Variants in NRCAM observed in about 807,000 individuals in gnomAD.
NRCAM encodes NgCAM-related cell adhesion molecule.
In NRCAM, 83 loss-of-function variants were observed where a neutral mutation model predicts 156.5. The ratio of observed to expected loss-of-function variants is 0.53; its 90% CI spans 0.44 to 0.64. NRCAM has a LOEUF of 0.64. Among genes scored for constraint, NRCAM ranks in the 30% least tolerant of loss-of-function variants. NRCAM has a pLI of 0.00. For missense variants in NRCAM, 1,417 were observed against 1,597.3 expected (o/e 0.89, Z 1.92); for synonymous variants, 538 against 563.9 (o/e 0.95, Z 0.65).
rs182735369 is a variant in NRCAM at position 108,182,560 on chromosome 7, C to T, written c.2530+135G>A. 1.8e-4 allele frequency: 122 copies of T among 694,782 alleles called. No individual in the cohort carries two copies. The East Asian group carries it at 3.2e-3, about 18-fold the overall frequency. The allele number at this position is 694,782 out of a possible 1,614,324, so 43.0% of individuals were successfully genotyped here. A position where few individuals can be genotyped will look rare whatever the true frequency, so the allele number is the denominator to read the frequency against. ...GAACTTCTCTTTCTTACACAGCAGG[C>T]TGTTTAAATTCAGAGAAGTCGTGCA... On this transcript the variant is annotated intron_variant, in intron 23 of 32. Coordinates refer to ENST00000379028, the MANE Select transcript of NRCAM (RefSeq NM_001037132.4).
At chr7:108,253,194 C>T (rs1395767740) in intron 3 of NRCAM, among the ~76,000 whole-genome samples, 1 of 152,200 alleles carries the variant, frequency 6.6e-6, no homozygotes, top group African/African-American at 2.4e-5. Context: ...ATGAATTCAA[C>T]ATAATTCACG....
At chr7:108,264,569 A>G (rs754351937) in intron 3 of NRCAM, among the ~76,000 whole-genome samples, 2 of 152,240 alleles carry the variant, frequency 1.3e-5, no homozygotes, top group African/African-American at 2.4e-5. Context: ...TTCATGCTTC[A>G]TACCAGTTGA....
At chr7:108,327,048 T>C (rs143698887) in intron 2 of NRCAM, among the ~76,000 whole-genome samples, 8 of 152,310 alleles carry the variant, frequency 5.3e-5, no homozygotes, top group African/African-American at 1.7e-4. Context: ...TTATTTTTAA[T>C]CTACCTAACA....
intron 1 of NRCAM, among the ~76,000 whole-genome samples, chr7:108,445,339 T>C (rs931238558): frequency 2.6e-5 from 4 of 152,176 alleles, no homozygotes; most frequent in African/African-American, 9.7e-5. Context: ...AGAGTAAGGT[T>C]ATAATTTGTG....
At chr7:108,196,574 T>C (rs1253372368) in intron 14 of NRCAM, among the ~76,000 whole-genome samples, 1 of 152,188 alleles carries the variant, frequency 6.6e-6, no homozygotes, top group Non-Finnish European at 1.5e-5. Flanking sequence ...AACAGGTATA[T>C]GGGAAAATGC....
chr7:108,301,507 G>T (rs531445986), intron 3 of NRCAM, among the ~76,000 whole-genome samples: 1 of 152,306 alleles, frequency 6.6e-6, no homozygotes, highest in East Asian at 1.9e-4. Flanking sequence ...GAAGAAAACA[G>T]GCAGGGTGCC....
At chr7:108,197,345 T>C (rs2075689444) in intron 14 of NRCAM, among the ~76,000 whole-genome samples, 1 of 152,176 alleles carries the variant, frequency 6.6e-6, no homozygotes, top group Admixed American at 6.5e-5. Flanking sequence ...GGAAGCATAC[T>C]AATTTTAAAG....
intron 1 of NRCAM, among the ~76,000 whole-genome samples, chr7:108,440,993 A>G (rs1259633293): frequency 6.6e-6 from 1 of 152,202 alleles, no homozygotes; most frequent in Non-Finnish European, 1.5e-5. Context: ...AAGCACTGCA[A>G]ATTCTCTAAG....
intron 2 of NRCAM, among the ~76,000 whole-genome samples, chr7:108,376,990 C>T (rs2099678547): frequency 6.6e-6 from 1 of 152,002 alleles, no homozygotes; most frequent in Non-Finnish European, 1.5e-5. Flanking sequence ...CAGGGCAAAA[C>T]CTCATCTCTA....
chr7:108,299,408 T>TAA (rs2098544613), intron 3 of NRCAM, among the ~76,000 whole-genome samples: 1 of 152,070 alleles, frequency 6.6e-6, no homozygotes, highest in Non-Finnish European at 1.5e-5. Flanking sequence ...TGGACAAAGG[T>TAA]CAGACCTGTG....
intron 1 of NRCAM, among the ~76,000 whole-genome samples, chr7:108,418,644 G>A (rs1597283754): frequency 6.6e-6 from 1 of 151,546 alleles, no homozygotes; most frequent in African/African-American, 2.4e-5. Context: ...ATTCACCCAT[G>A]TGTGAACAAT....
chr7:108,323,906 T>C (rs1268937038), intron 2 of NRCAM, among the ~76,000 whole-genome samples: 15 of 152,132 alleles, frequency 9.9e-5, no homozygotes, highest in Admixed American at 9.8e-4. Flanking sequence ...GCGAAAGGGC[T>C]TTGCAGGCAA....
intron 2 of NRCAM, among the ~76,000 whole-genome samples, chr7:108,373,613 G>A (rs79761244): frequency 0.044 from 6,627 of 152,234 alleles, 482 homozygotes; most frequent in African/African-American, 0.15. Context: ...GCACACTGGT[G>A]CCCTACCAGC....
chr7:108,387,229 T>A (rs917779657), intron 2 of NRCAM, among the ~76,000 whole-genome samples: 5 of 152,168 alleles, frequency 3.3e-5, no homozygotes, highest in African/African-American at 9.6e-5. Context: ...CCCTTTGGAA[T>A]CCTGTCCAAT....
chr7:108,419,032 T>TCACA (rs566985117), intron 1 of NRCAM, among the ~76,000 whole-genome samples: 1 of 151,098 alleles, frequency 6.6e-6, no homozygotes, highest in Non-Finnish European at 1.5e-5. Flanking sequence ...TTAACTAGTT[T>TCACA]CACACACACA....
chr7:108,332,844 A>C (rs995043788), intron 2 of NRCAM, among the ~76,000 whole-genome samples: 36 of 152,214 alleles, frequency 2.4e-4, no homozygotes, highest in African/African-American at 8.4e-4. Flanking sequence ...ATACATGAAA[A>C]TGTATCAGAC....
At chr7:108,319,304 A>AT (rs2098972014) in intron 2 of NRCAM, among the ~76,000 whole-genome samples, 1 of 152,198 alleles carries the variant, frequency 6.6e-6, no homozygotes, top group Non-Finnish European at 1.5e-5. Flanking sequence ...GAAAACATTA[A>AT]TTTATTCAAC....
At chr7:108,281,337 A>G (rs574217412) in intron 3 of NRCAM, among the ~76,000 whole-genome samples, 1 of 152,292 alleles carries the variant, frequency 6.6e-6, no homozygotes, top group South Asian at 2.1e-4. Context: ...ACTGTGGGCA[A>G]TAAAAAAACG....
chr7:108,371,915 C>T (rs1019455754), intron 2 of NRCAM, among the ~76,000 whole-genome samples: 1 of 152,056 alleles, frequency 6.6e-6, no homozygotes, highest in African/African-American at 2.4e-5. Context: ...ATAGCCAAAT[C>T]AATCTTGAGA....
Sources: gnomAD v4.1 joint callset for allele counts (sites outside exome capture counted in the v4.1 genomes callset) on GRCh38, gnomAD v4.1.1 for gene constraint, MANE v1.5 for transcripts, NCBI Gene and HGNC (gene_info 2026-07-23, HGNC 2026-07-21) for gene names.